Variants in RIMBP2 observed in about 807,000 individuals in gnomAD.
RIMBP2 encodes RIMS-binding protein 2.
RIMBP2 carries 48 observed loss-of-function variants against 118.6 expected under a neutral mutation model. The observed-to-expected ratio is 0.40, with a 90% CI of 0.32 to 0.51. The LOEUF is 0.51. Ranked by LOEUF, RIMBP2 falls within the 20% of genes least tolerant of loss-of-function variation. The pLI is 0.41. For synonymous variants in RIMBP2, 762 were observed against 742.9 expected, an observed-to-expected ratio of 1.03 and a Z score of -0.42; for missense variants, 1,551 against 1,768.3, an observed-to-expected ratio of 0.88 and a Z score of 2.20.
At chr12:130,473,061 G>GA (rs1220450604) in intron 5 of RIMBP2, among the ~76,000 whole-genome samples, 1 of 152,076 alleles carries the variant, frequency 6.6e-6, no homozygotes, top group African/African-American at 2.4e-5. Flanking sequence ...TGGCAGGATT[G>GA]AAAAAAAAGA....
chr12:130,401,746 A>G (rs2074600210), intron 21 of RIMBP2, among the ~76,000 whole-genome samples: 1 of 152,108 alleles, frequency 6.6e-6, no homozygotes, highest in African/African-American at 2.4e-5. Flanking sequence ...GAAGACACTC[A>G]AAAGTTATAA....
chr12:130,530,102 C>A, intron 2 of RIMBP2, among the ~76,000 whole-genome samples: 1 of 152,174 alleles, frequency 6.6e-6, no homozygotes. Context: ...GAGTGCCACT[C>A]TGGTGTGTAA....
At chr12:130,459,616 A>G (rs1407217990) in intron 6 of RIMBP2, among the ~76,000 whole-genome samples, 1 of 152,228 alleles carries the variant, frequency 6.6e-6, no homozygotes, top group Admixed American at 6.5e-5. Context: ...CTGAGGTCAC[A>G]GGAGCCTAAA....
chr12:130,542,376 A>AGT, intron 2 of RIMBP2, among the ~76,000 whole-genome samples: 2 of 152,128 alleles, frequency 1.3e-5, no homozygotes, highest in East Asian at 3.9e-4. Context: ...AGTCTACAAT[A>AGT]CTCTTGTTAA....
chr12:130,451,376 T>G (rs118081608), intron 7 of RIMBP2, 36 bp from the exon 8 acceptor site: 8 of 1,579,162 alleles, frequency 5.1e-6, no homozygotes, highest in Non-Finnish European at 6.9e-6. Context: ...GAAACAAATA[T>G]GCGAATAACA....
At chr12:130,532,744 GAGTT>G (rs1593681791) in intron 2 of RIMBP2, among the ~76,000 whole-genome samples, 2 of 133,616 alleles carry the variant, frequency 1.5e-5, no homozygotes, top group Admixed American at 7.7e-5. Context: ...CAGCCTCTAG[GAGTT>G]ACATCTAATG....
chr12:130,449,944 C>T (rs560180186), intron 9 of RIMBP2, among the ~76,000 whole-genome samples: 3 of 152,236 alleles, frequency 2.0e-5, no homozygotes, highest in Admixed American at 2.0e-4. Flanking sequence ...CTTCTGCCTC[C>T]AGGGTTGGGA....
chr12:130,680,785 C>T (rs539490533), intron 1 of RIMBP2, among the ~76,000 whole-genome samples: 34 of 152,222 alleles, frequency 2.2e-4, no homozygotes, highest in Non-Finnish European at 3.8e-4. Context: ...AGCCCGGCCC[C>T]GTGGCAGCGC....
intron 1 of RIMBP2, among the ~76,000 whole-genome samples, 171 bp downstream of exon 1, chr12:130,716,051 G>T (rs1047897880): frequency 2.0e-5 from 3 of 152,068 alleles, no homozygotes; most frequent in African/African-American, 7.2e-5. Context: ...CGCACCCAGC[G>T]CCCCCGGACC....
chr12:130,487,350 G>C (rs1022139600), intron 4 of RIMBP2, among the ~76,000 whole-genome samples: 1 of 152,164 alleles, frequency 6.6e-6, no homozygotes, highest in Admixed American at 6.5e-5. Flanking sequence ...TGAATAGCTT[G>C]GTGCCCTCCC....
intron 1 of RIMBP2, among the ~76,000 whole-genome samples, 152 bp from the exon 2 acceptor site, chr12:130,628,608 A>G (rs1161248654): frequency 6.6e-6 from 1 of 152,178 alleles, no homozygotes; most frequent in East Asian, 1.9e-4. Flanking sequence ...GGGCTGAGTG[A>G]GGGACAGATT....
chr12:130,520,225 G>A (rs34019984), intron 2 of RIMBP2, among the ~76,000 whole-genome samples: 9,722 of 152,134 alleles, frequency 0.064, 427 homozygotes, highest in South Asian at 0.16. Flanking sequence ...AATGAAATCA[G>A]TCTTTTCAGG....
chr12:130,663,914 C>A (rs4759747), intron 1 of RIMBP2, among the ~76,000 whole-genome samples: 1 of 151,322 alleles, frequency 6.6e-6, no homozygotes, highest in African/African-American at 2.5e-5. Flanking sequence ...CTCACACATA[C>A]GAGGCAGGTT....
intron 2 of RIMBP2, among the ~76,000 whole-genome samples, chr12:130,569,011 A>AC (rs553252878): frequency 8.9e-4 from 122 of 136,834 alleles, no homozygotes; most frequent in Middle Eastern, 7.1e-3. Flanking sequence ...TGCCTTGGAG[A>AC]CCCCCCACCG....
At chr12:130,521,156 C>T (rs1440006578) in intron 2 of RIMBP2, among the ~76,000 whole-genome samples, 2 of 152,220 alleles carry the variant, frequency 1.3e-5, no homozygotes, top group African/African-American at 2.4e-5. Context: ...TGGAAGGCCT[C>T]ATAACTGACC....
At chr12:130,512,076 A>G (rs573068109) in intron 3 of RIMBP2, among the ~76,000 whole-genome samples, 2 of 152,334 alleles carry the variant, frequency 1.3e-5, no homozygotes, top group African/African-American at 4.8e-5. Flanking sequence ...TAGAGGACTG[A>G]TGCCACTAAA....
At chr12:130,646,196 TCCCTCTC>T (rs1273956000) in intron 1 of RIMBP2, among the ~76,000 whole-genome samples, 1 of 69,166 alleles carries the variant, frequency 1.4e-5, no homozygotes. Flanking sequence ...CCTCACCACT[TCCCTCTC>T]CACCTCCCTC....
chr12:130,499,015 G>A (rs2049476526), intron 4 of RIMBP2, among the ~76,000 whole-genome samples: 1 of 152,224 alleles, frequency 6.6e-6, no homozygotes, highest in Non-Finnish European at 1.5e-5. Flanking sequence ...AGTTCCTCAA[G>A]CTGTACAGGA....
At chr12:130,700,785 A>T (rs186301353) in intron 1 of RIMBP2, among the ~76,000 whole-genome samples, 1 of 152,358 alleles carries the variant, frequency 6.6e-6, no homozygotes, top group East Asian at 1.9e-4. Context: ...AAACTGATCC[A>T]ACCACCCAAC....
Sources: allele counts gnomAD v4.1 joint callset (sites outside exome capture counted in the v4.1 genomes callset), GRCh38; gene constraint gnomAD v4.1.1; transcripts MANE v1.5; gene names NCBI Gene and HGNC (gene_info 2026-07-23, HGNC 2026-07-21).